The following TTF2 variants were observed in gnomAD, a reference collection of about 807,000 sequenced individuals.
TTF2 encodes transcription termination factor 2, also known as RNA polymerase II termination factor.
In TTF2, 108 loss-of-function variants were observed where a neutral mutation model predicts 142.4. The observed-to-expected ratio is 0.76, with a 90% CI of 0.65 to 0.89. TTF2 has a LOEUF of 0.89. Among genes scored for constraint, TTF2 ranks in the 40% least tolerant of loss-of-function variants. TTF2 has a pLI of 0.00. For synonymous variants in TTF2, 483 were observed against 506.2 expected (o/e 0.95, Z 0.61); for missense variants, 1,327 against 1,379.8 (o/e 0.96, Z 0.61).
chr1:117,093,977 T>C lies in TTF2; in HGVS notation c.2976+1076T>C, dbSNP rs923047871. On this transcript the variant is annotated intron_variant, in intron 18 of 22. Transcript: ENST00000369466. This position sits in a 1 kb window ranked among gnomAD's most constrained non-coding sequence, Gnocchi z 4.5. ...TCTCAAAACACCATGGCTAGCTTTT[T>C]CATGTGGGAGTCACAGCGCCTTCCA... is the stretch of plus-strand genomic sequence containing the variant. 2.0e-5 allele frequency among the ~76,000 whole-genome samples: 3 copies of C among 152,206 alleles called. No homozygotes were observed. The highest frequency in any genetic ancestry group is 4.4e-5 in the Non-Finnish European group (3 of 68,040).
Position 117,093,928 on chromosome 1 carries a change from A to C in TTF2, c.2976+1027A>C, listed in dbSNP as rs1648844555. On this transcript the variant is annotated intron_variant, in intron 18 of 22. Coordinates refer to ENST00000369466, the MANE Select transcript of TTF2 (RefSeq NM_003594.4). This position sits in a 1 kb window ranked among gnomAD's most constrained non-coding sequence, Gnocchi z 4.5. The stretch of plus-strand genomic sequence containing the variant: ...ATTTGACCCCGGCTCGTGGGCCATA[A>C]ATCCAGCCCTCCTGCTGCAGTTTTC... Among the ~76,000 whole-genome samples, 1 of 152,176 alleles carries C rather than the reference A, an allele frequency of 6.6e-6. No individual in the cohort carries two copies. Among genetic ancestry groups the C allele is most frequent in the Admixed American group, 6.5e-5 (1 of 15,288 alleles).
intron 3 of TTF2, among the ~76,000 whole-genome samples, chr1:117,064,657 A>G (rs1655943506): frequency 1.3e-5 from 2 of 152,124 alleles, no homozygotes; most frequent in South Asian, 2.1e-4. Context: ...AGTCCCAAGT[A>G]GCTGGGACTA....
rs143131632 is a variant in TTF2 at position 117,068,132 on chromosome 1, C to G, written c.219-5529C>G. On this transcript the variant is annotated intron_variant, in intron 3 of 22. Coordinates refer to ENST00000369466, the MANE Select transcript of TTF2 (RefSeq NM_003594.4). ...AATTTTGGGCATTGTCACTGAGCTC[C>G]TGAGTTCATATTTTCCTTTCTCTCT... 4.6e-4 allele frequency among the ~76,000 whole-genome samples: 70 copies of G among 152,348 alleles called. 1 individual carries two copies. The East Asian group carries it at 0.012, about 26-fold the overall frequency.
Position 117,098,855 on chromosome 1 carries a change from G to A in TTF2, c.3292G>A (p.Ala1098Thr). 1 of 1,612,050 alleles carries A rather than the reference G, an allele frequency of 6.2e-7. No individual in the cohort carries two copies. Residue 1098 changes from alanine to threonine, a missense_variant, in exon 22 of 23, where the codon GCT becomes ACT. Physicochemically the swap from Ala to Thr is moderately conservative, Grantham distance 58 (BLOSUM62 0). Transcript: ENST00000369466. The stretch of plus-strand genomic sequence containing the variant: ...CAGGAATCCATCACTTGAAGATCAA[G>A]CTTGTGACCGAATTTACCGAGTAGG... The part of the protein sequence containing the change: ...MHWNPSLEDQ[A>T]CDRIYRVGQQ...
rs1648425087 is a variant in TTF2 at position 117,090,030 on chromosome 1, G to A, written c.2343-25G>A. 6.2e-7 allele frequency: 1 copy of A among 1,607,866 alleles called. No homozygotes were observed. Among genetic ancestry groups the A allele is most frequent in the Admixed American group, 1.7e-5 (1 of 59,598 alleles). On this transcript the variant is annotated intron_variant, in intron 13 of 22. Coordinates refer to ENST00000369466, the MANE Select transcript of TTF2 (RefSeq NM_003594.4). The surrounding 1 kb of genome is among the most constrained non-coding windows in gnomAD (Gnocchi z 4.8). ...TCCCTGACTTTTCCTTCCCTACTCTGTGCCCTTCTTCCTCAACAAAAAAGG... is the reference window on the plus strand; with the variant it reads ...TCCCTGACTTTTCCTTCCCTACTCTATGCCCTTCTTCCTCAACAAAAAAGG...
rs1038584874 is a variant in TTF2, at chr1:117,075,991, CT to C, written c.1275+136del. 14 of 1,383,432 alleles carry C rather than the reference CT, an allele frequency of 1.0e-5. No homozygotes were observed. In the African/African-American group the frequency reaches 1.6e-4, roughly 16 times the overall value. 85.7% of individuals were successfully genotyped at this position (1,383,432 alleles called of 1,614,324 possible). On this transcript the variant is annotated intron_variant, in intron 5 of 22. Transcript: ENST00000369466. This position sits in a 1 kb window ranked among gnomAD's most constrained non-coding sequence, Gnocchi z 4.5. Reference sequence around the variant, plus strand: ...TTATAGGTGCATGTTCAGTTTCTGCCTTTTCCCCTATTTATATTTTCAAGAT... The same window carrying C: ...TTATAGGTGCATGTTCAGTTTCTGCCTTTCCCCTATTTATATTTTCAAGAT...
Position 117,105,730 on chromosome 1 carries a change from AT to A in TTF2, c.*4208del, listed in dbSNP as rs1314511696. 2 of 152,196 alleles carry A rather than the reference AT, an allele frequency of 1.3e-5. No homozygotes were observed. Among genetic ancestry groups the A allele is most frequent in the African/African-American group, 4.8e-5 (2 of 41,444 alleles). 9.4% of individuals were successfully genotyped at this position (152,196 alleles called of 1,614,324 possible). A position where few individuals can be genotyped will look rare whatever the true frequency, so the allele number is the denominator to read the frequency against. On this transcript the variant is annotated 3_prime_UTR_variant, in exon 23 of 23. Coordinates refer to ENST00000369466, the MANE Select transcript of TTF2 (RefSeq NM_003594.4). The surrounding 1 kb of genome is among the most constrained non-coding windows in gnomAD (Gnocchi z 4.7). Reference sequence around the variant, plus strand: ...AGAACGGTGATTCTTTCTAGCAGAAATTAGCAGAGTAAGTGTTTTTGGAACA... The same window carrying A: ...AGAACGGTGATTCTTTCTAGCAGAAATAGCAGAGTAAGTGTTTTTGGAACA...
In TTF2 at chr1:117,089,260, CTATA is replaced by C. The variant is rs10524337; in HGVS notation, c.2342+292_2342+295del. 8.0e-3 allele frequency among the ~76,000 whole-genome samples: 1,099 copies of C among 137,412 alleles called. 27 individuals carry two copies. Among genetic ancestry groups the C allele is most frequent in the East Asian group, 0.032 (162 of 5,044 alleles). 90.1% of individuals were successfully genotyped at this position (137,412 alleles called of 152,430 possible). On this transcript the variant is annotated intron_variant, in intron 13 of 22. Coordinates refer to ENST00000369466, the MANE Select transcript of TTF2 (RefSeq NM_003594.4). ...TATGCAAAATATATGCAAATATATGCTATATATATATATATATGCAAAAATTATT... is the reference window on the plus strand; with the variant it reads ...TATGCAAAATATATGCAAATATATGCTATATATATATATGCAAAAATTATT...
rs1417372184 is a variant in TTF2 at position 117,092,022 on chromosome 1, CTCCAACTGGAA to C, written c.2805+77_2805+87del. The C allele has an allele frequency of 6.9e-7, 1 of 1,458,500 alleles. No homozygotes were observed. The highest frequency in any genetic ancestry group is 2.0e-5 in the Admixed American group (1 of 49,958). 90.3% of individuals were successfully genotyped at this position (1,458,500 alleles called of 1,614,324 possible). A position where few individuals can be genotyped will look rare whatever the true frequency, so the allele number is the denominator to read the frequency against. On this transcript the variant is annotated intron_variant, in intron 17 of 22. Coordinates refer to ENST00000369466, the MANE Select transcript of TTF2 (RefSeq NM_003594.4). The surrounding 1 kb of genome is among the most constrained non-coding windows in gnomAD (Gnocchi z 4.4). ...CACCTGAGAAGTCAATTTCACTCTC[CTCCAACTGGAA>C]TCCAGTCTGCTTGATCAAAGGAAAT...
rs1647323436 is a variant in TTF2 at position 117,079,676 on chromosome 1, C to T, written c.1783+27C>T. The T allele has an allele frequency of 1.2e-6, 2 of 1,603,322 alleles. No homozygotes were observed. The highest frequency in any genetic ancestry group is 1.7e-6 in the Non-Finnish European group (2 of 1,170,168). On this transcript the variant is annotated intron_variant, in intron 9 of 22. Coordinates refer to ENST00000369466, the MANE Select transcript of TTF2 (RefSeq NM_003594.4). The surrounding 1 kb of genome is among the most constrained non-coding windows in gnomAD (Gnocchi z 4.2). Reference sequence around the variant, plus strand: ...TAAGTGTGGTATTATAAGAGTCAGCCTTTATTGAATGCTTAGGCATTGTGC... The same window carrying T: ...TAAGTGTGGTATTATAAGAGTCAGCTTTTATTGAATGCTTAGGCATTGTGC...
intron 13 of TTF2, among the ~76,000 whole-genome samples, 165 bp from the exon 14 acceptor site, chr1:117,089,890 G>C (rs568213221): frequency 1.6e-4 from 25 of 152,228 alleles, no homozygotes; most frequent in African/African-American, 5.8e-4. Context: ...ACATCCTTTT[G>C]ATCTGTCCAG....
Position 117,073,813 on chromosome 1 carries a change from A to G in TTF2, c.285+86A>G, listed in dbSNP as rs1489338946. 1 of 1,306,992 alleles carries G rather than the reference A, an allele frequency of 7.7e-7. No homozygotes were observed. Among genetic ancestry groups the G allele is most frequent in the Non-Finnish European group, 1.1e-6 (1 of 929,616 alleles). The allele number at this position is 1,306,992 out of a possible 1,614,324, so 81.0% of individuals were successfully genotyped here. A position where few individuals can be genotyped will look rare whatever the true frequency, so the allele number is the denominator to read the frequency against. ...CCTGAAAATACCTTGAAGTTCACGT[A>G]AATGAGTTGGTCTTCATCAGACTGT... is the stretch of plus-strand genomic sequence containing the variant. On this transcript the variant is annotated intron_variant, in intron 4 of 22. Transcript: ENST00000369466. This position sits in a 1 kb window ranked among gnomAD's most constrained non-coding sequence, Gnocchi z 4.4.
At chr1:117,084,973 A>T (rs1647884025) in intron 11 of TTF2, among the ~76,000 whole-genome samples, 2 of 152,294 alleles carry the variant, frequency 1.3e-5, no homozygotes, top group South Asian at 2.1e-4. Context: ...CATGACTGAG[A>T]GTCGCTTCTG....
Position 117,076,644 on chromosome 1 carries a change from C to T in TTF2, c.1394C>T (p.Thr465Ile), listed in dbSNP as rs756380035. 2.4e-5 allele frequency: 39 copies of T among 1,608,126 alleles called. No homozygotes were observed. The highest frequency in any genetic ancestry group is 3.3e-5 in the Non-Finnish European group (39 of 1,176,766). ...SGLTLSPEQG[T>I]NEKSNSQVPQ... ...TCTTCCCTTGTTTTCTGAGCAGGAA[C>T]TAATGAGAAGAGTAACAGTCAAGTA... The change falls in exon 7 of 23, where the codon ACT (threonine) becomes ATT (isoleucine). Residue 465 changes from threonine (T) to isoleucine (I), a missense_variant. Physicochemically the swap from Thr to Ile is moderately conservative, Grantham distance 89. Coordinates refer to ENST00000369466, the MANE Select transcript of TTF2 (RefSeq NM_003594.4). This position sits in a 1 kb window ranked among gnomAD's most constrained non-coding sequence, Gnocchi z 4.6.
chr1:117,060,582 C>T (rs1037273253), intron 2 of TTF2, 25 bp downstream of exon 2: 4 of 1,571,250 alleles, frequency 2.5e-6, no homozygotes, highest in Middle Eastern at 2.0e-4. Context: ...GGGCCCCACT[C>T]CCTGTGGCTG....
At chr1:117,091,163 T>C (rs553183399) in intron 15 of TTF2, among the ~76,000 whole-genome samples, 165 bp from the exon 16 acceptor site, 1 of 152,376 alleles carries the variant, frequency 6.6e-6, no homozygotes, top group South Asian at 2.1e-4. Flanking sequence ...AGATTGGTTT[T>C]TTAAAATAAC....
At position 117,088,801 on chromosome 1, in the gene TTF2, G is replaced by C. The variant is rs1648271078; in HGVS notation, c.2161G>C (p.Gly721Arg). The change falls in exon 13 of 23, where the codon GGC becomes CGC. Residue 721 changes from glycine to arginine, a missense_variant and splice_region_variant. Physicochemically the swap from Gly to Arg is moderately radical, Grantham distance 125 (BLOSUM62 -2). Transcript: ENST00000369466. ...EIPGANLNVE[G>R]TSTPLLRIAW... ...TGGATTTCACTTGTGATTCTTCCAG[G>C]GCACCTCAACACCTTTGCTTCGAAT... 1 of 1,611,840 alleles carries C rather than the reference G, an allele frequency of 6.2e-7. No individual in the cohort carries two copies. Among genetic ancestry groups the C allele is most frequent in the East Asian group, 2.2e-5 (1 of 44,710 alleles).
In TTF2 at chr1:117,075,082, G is replaced by A. The variant is rs1656880075; in HGVS notation, c.498G>A (p.Lys166=). ...REKGDQLFDQ[K]KEQKPEMMEK... Reference sequence around the variant, plus strand: ...AGGGAGATCAGCTTTTCGATCAAAAGAAAGAACAGAAGCCTGAAATGATGG... The same window carrying A: ...AGGGAGATCAGCTTTTCGATCAAAAAAAAGAACAGAAGCCTGAAATGATGG... The change falls in exon 5 of 23, where the codon AAG becomes AAA. Residue 166 remains lysine, a synonymous_variant. Coordinates refer to ENST00000369466, the MANE Select transcript of TTF2 (RefSeq NM_003594.4). This position sits in a 1 kb window ranked among gnomAD's most constrained non-coding sequence, Gnocchi z 4.5. The A allele has an allele frequency of 1.2e-6, 2 of 1,613,978 alleles. No individual in the cohort carries two copies. The highest frequency in any genetic ancestry group is 1.7e-5 in the Admixed American group (1 of 59,998).
rs7520887 is a variant in TTF2 at position 117,061,939 on chromosome 1, G to C, written c.132-448G>C. Among the ~76,000 whole-genome samples the C allele has an allele frequency of 8.4e-3, 1,285 of 152,262 alleles. 14 individuals are homozygous for C. Among genetic ancestry groups the C allele is most frequent in the African/African-American group, 0.029 (1,225 of 41,538 alleles). ...TTTTCATAATAAGTTGGAAGGGAGT[G>C]ATTAAAAACTTACACAAAACAAGAA... On this transcript the variant is annotated intron_variant, in intron 2 of 22. Transcript: ENST00000369466.
Sources: gnomAD v4.1 joint callset for allele counts (sites outside exome capture counted in the v4.1 genomes callset) on GRCh38, gnomAD v4.1.1 for gene constraint, Gnocchi (gnomAD v3.1) non-coding constraint, MANE v1.5 for transcripts, NCBI Gene and HGNC (gene_info 2026-07-23, HGNC 2026-07-21) for gene names.